Variants in GRIN2A observed in about 807,000 individuals in gnomAD.
The protein encoded by GRIN2A is glutamate ionotropic receptor NMDA type subunit 2A.
In GRIN2A, 22 loss-of-function variants were observed where a neutral mutation model predicts 113.4. The observed-to-expected ratio is 0.19, with a 90% CI of 0.14 to 0.28. GRIN2A has a LOEUF of 0.28. GRIN2A is among the 10% of genes least tolerant of loss of function. The pLI, the probability that GRIN2A is intolerant of heterozygous loss-of-function variation, is 1.00. For synonymous variants in GRIN2A, 827 were observed against 738.4 expected, an observed-to-expected ratio of 1.12 and a Z score of -1.94; for missense variants, 1,502 against 1,887.0, an observed-to-expected ratio of 0.80 and a Z score of 3.78.
rs2048638982 is a variant in GRIN2A, at chr16:10,112,563, C to T, written c.414+67435G>A. On this transcript the variant is annotated intron_variant, in intron 2 of 12. Coordinates refer to ENST00000330684, the MANE Select transcript of GRIN2A (RefSeq NM_001134407.3). ...TCCCTGCTGGCCACCACCACGGAGG[C>T]CCAGCGGCGAGTACTTCTTCTCAGA... 6 of 777,230 alleles carry T rather than the reference C, an allele frequency of 7.7e-6. No homozygotes were observed. In the South Asian group the frequency reaches 8.1e-5, roughly 10 times the overall value. 48.1% of individuals were successfully genotyped at this position (777,230 alleles called of 1,614,324 possible). A position where few individuals can be genotyped will look rare whatever the true frequency, so the allele number is the denominator to read the frequency against.
intron 2 of GRIN2A, among the ~76,000 whole-genome samples, chr16:9,987,906 C>A (rs986122818): frequency 6.6e-6 from 1 of 152,148 alleles, no homozygotes; most frequent in Non-Finnish European, 1.5e-5. Flanking sequence ...GTTCTCTCTA[C>A]CCAGGAGATA....
intron 2 of GRIN2A, among the ~76,000 whole-genome samples, chr16:10,176,243 G>C (rs1298593378): frequency 6.6e-6 from 1 of 152,036 alleles, no homozygotes; most frequent in Non-Finnish European, 1.5e-5. Context: ...GACCTCAGGT[G>C]ATCCACCCGC....
At position 9,829,706 on chromosome 16, in the gene GRIN2A, G is replaced by C. The variant is rs2042453190; in HGVS notation, c.1778-54C>G. On this transcript the variant is annotated intron_variant, in intron 8 of 12. Transcript: ENST00000330684. ...CATTTTCTGAAAAAAATGCCTGTTT[G>C]TGTATGACAACCACGCAGCAGCCAC... 12 of 1,305,514 alleles carry C rather than the reference G, an allele frequency of 9.2e-6. No homozygotes were observed. The Admixed American group carries it at 1.9e-4, about 20-fold the overall frequency. The allele number at this position is 1,305,514 out of a possible 1,614,324, so 80.9% of individuals were successfully genotyped here.
chr16:9,887,016 T>G (rs1157945228), intron 4 of GRIN2A, among the ~76,000 whole-genome samples: 1 of 151,964 alleles, frequency 6.6e-6, no homozygotes, highest in African/African-American at 2.4e-5. Flanking sequence ...GCCTCCTGAG[T>G]AGCTGGGATT....
chr16:9,851,655 G>T (rs565166290), intron 4 of GRIN2A, among the ~76,000 whole-genome samples: 120 of 152,280 alleles, frequency 7.9e-4, no homozygotes, highest in Non-Finnish European at 1.4e-3. Context: ...GAGAGAGGGT[G>T]GGTAGTTCAG....
intron 11 of GRIN2A, among the ~76,000 whole-genome samples, chr16:9,796,384 G>A (rs755398799): frequency 2.0e-5 from 3 of 152,162 alleles, no homozygotes; most frequent in African/African-American, 7.2e-5. Flanking sequence ...TTCATCCCCT[G>A]TAAGGGTGAT....
intron 2 of GRIN2A, among the ~76,000 whole-genome samples, chr16:10,020,709 A>C (rs182995654): frequency 2.6e-5 from 4 of 152,342 alleles, no homozygotes; most frequent in African/African-American, 9.6e-5. Flanking sequence ...TGTTGTAAGG[A>C]CAAGATAAAA....
rs557709310 is a variant in GRIN2A at position 9,926,860 on chromosome 16, G to A, written c.1007+11099C>T. On this transcript the variant is annotated intron_variant, in intron 3 of 12. Transcript: ENST00000330684. ...ATGGTAAACAAAAAATATAATTTTT[G>A]TGAAATCTGATGATAGTGTTTAAAC... 2.0e-5 allele frequency among the ~76,000 whole-genome samples: 3 copies of A among 151,736 alleles called. No homozygotes were observed. The South Asian group carries it at 6.3e-4, about 32-fold the overall frequency.
intron 2 of GRIN2A, among the ~76,000 whole-genome samples, chr16:9,939,809 A>G (rs2044818026): frequency 6.6e-6 from 1 of 152,162 alleles, no homozygotes; most frequent in Admixed American, 6.5e-5. Context: ...ACTTGTGGAC[A>G]TGGTGCAAAA....
intron 2 of GRIN2A, among the ~76,000 whole-genome samples, chr16:10,084,650 A>C: frequency 6.6e-6 from 1 of 152,130 alleles, no homozygotes; most frequent in East Asian, 1.9e-4. Flanking sequence ...CCTCTGGGGA[A>C]GTTTTTCATC....
At position 9,757,949 on chromosome 16, in the gene GRIN2A, G is replaced by C. The variant is rs1900425518; in HGVS notation, c.*5200C>G. On this transcript the variant is annotated 3_prime_UTR_variant, in exon 13 of 13. Transcript: ENST00000330684. Reference sequence around the variant, plus strand: ...TGGCTCTTATTCCAGAGCTACTCAGGAGTTTCCCCTTGAAAGAAACCTAGA... The same window carrying C: ...TGGCTCTTATTCCAGAGCTACTCAGCAGTTTCCCCTTGAAAGAAACCTAGA... The C allele has an allele frequency of 4.5e-6, 1 of 222,854 alleles. No homozygotes were observed. Among genetic ancestry groups the C allele is most frequent in the African/African-American group, 2.2e-5 (1 of 44,770 alleles). The allele number at this position is 222,854 out of a possible 1,614,324, so 13.8% of individuals were successfully genotyped here. A position where few individuals can be genotyped will look rare whatever the true frequency, so the allele number is the denominator to read the frequency against.
chr16:10,055,287 C>T (rs938487229), intron 2 of GRIN2A, among the ~76,000 whole-genome samples: 63 of 151,936 alleles, frequency 4.1e-4, no homozygotes, highest in African/African-American at 1.5e-3. Flanking sequence ...TGGCAGGCTT[C>T]AGCAGCATCT....
At chr16:10,061,632 G>A (rs1422390706) in intron 2 of GRIN2A, among the ~76,000 whole-genome samples, 2 of 152,202 alleles carry the variant, frequency 1.3e-5, no homozygotes, top group African/African-American at 2.4e-5. Flanking sequence ...GAGAGGTGGT[G>A]TGATATTATA....
At chr16:10,034,242 G>A (rs904468455) in intron 2 of GRIN2A, among the ~76,000 whole-genome samples, 7 of 152,086 alleles carry the variant, frequency 4.6e-5, no homozygotes, top group Admixed American at 1.3e-4. Context: ...AACTGGCTCA[G>A]GGCCGGGCAT....
At chr16:9,815,413 C>CA (rs71157786) in intron 10 of GRIN2A, among the ~76,000 whole-genome samples, 2,526 of 111,790 alleles carry the variant, frequency 0.023, 29 homozygotes, top group Middle Eastern at 0.032. Context: ...TAACAACAAC[C>CA]AAAAAAAAAA....
intron 2 of GRIN2A, among the ~76,000 whole-genome samples, chr16:10,091,093 T>C (rs935514664): frequency 6.6e-6 from 1 of 152,250 alleles, no homozygotes; most frequent in Non-Finnish European, 1.5e-5. Context: ...ACATTGCTGA[T>C]GGCAATGTGA....
chr16:10,091,710 C>T (rs954848109), intron 2 of GRIN2A, among the ~76,000 whole-genome samples: 1 of 152,162 alleles, frequency 6.6e-6, no homozygotes, highest in South Asian at 2.1e-4. Flanking sequence ...AACACTGATA[C>T]ATGTGACAAC....
chr16:9,891,913 C>T (rs1414248376), intron 3 of GRIN2A, among the ~76,000 whole-genome samples: 1 of 152,026 alleles, frequency 6.6e-6, no homozygotes, highest in Non-Finnish European at 1.5e-5. Context: ...ATTTTAGAGA[C>T]CATGTTAAAT....
chr16:9,802,410 C>A (rs1015676571), intron 10 of GRIN2A, among the ~76,000 whole-genome samples: 1 of 152,126 alleles, frequency 6.6e-6, no homozygotes, highest in African/African-American at 2.4e-5. Flanking sequence ...AGGTGCACAC[C>A]ATTATCCTGA....
Sources: gnomAD v4.1 joint callset for allele counts (sites outside exome capture counted in the v4.1 genomes callset) on GRCh38, gnomAD v4.1.1 for gene constraint, MANE v1.5 for transcripts, NCBI Gene and HGNC (gene_info 2026-07-23, HGNC 2026-07-21) for gene names.